Variants in FAM117B observed in about 807,000 individuals in gnomAD.
FAM117B encodes protein FAM117B.
Under a neutral mutation model 52.8 loss-of-function variants are expected in FAM117B, and 22 were observed. That is an observed-to-expected ratio of 0.42 (90% CI 0.30 to 0.59). The LOEUF is 0.59. Ranked by LOEUF, FAM117B falls within the 20% of genes least tolerant of loss-of-function variation. The probability of loss-of-function intolerance (pLI) is 0.22; values close to 1 mark genes in which losing one functional copy is unlikely to be tolerated. For synonymous variants in FAM117B, 309 were observed against 324.1 expected, an observed-to-expected ratio of 0.95 and a Z score of 0.50; for missense variants, 678 against 802.6, an observed-to-expected ratio of 0.84 and a Z score of 1.88.
At position 202,757,318 on chromosome 2, in the gene FAM117B, A is replaced by G; in HGVS notation, c.1210A>G (p.Ser404Gly). Residue 404 changes from serine (S) to glycine (G), a missense_variant, in exon 6 of 8, where the codon AGC (serine) becomes GGC (glycine). Transcript: ENST00000392238. ...TQTPGGADRG[S>G]NNSSRSQSVS... ...GACGCCTGGTGGGGCAGACAGGGGA[A>G]GCAACAACAGCAGCCGTTCCCAGTC... The G allele has an allele frequency of 1.2e-6, 2 of 1,614,170 alleles. No homozygotes were observed. Among genetic ancestry groups the G allele is most frequent in the Non-Finnish European group, 1.7e-6 (2 of 1,180,036 alleles).
At chr2:202,684,351 T>C (rs1227833447) in intron 1 of FAM117B, among the ~76,000 whole-genome samples, 1 of 152,222 alleles carries the variant, frequency 6.6e-6, no homozygotes, top group Non-Finnish European at 1.5e-5. Context: ...TAGCTAAAAG[T>C]TATTTGTAAC....
intron 7 of FAM117B, 105 bp downstream of exon 7, chr2:202,759,458 C>G: frequency 7.2e-7 from 1 of 1,395,206 alleles, no homozygotes; most frequent in Non-Finnish European, 9.6e-7. Context: ...GATGCAGTCA[C>G]AGGTCACACT....
chr2:202,726,582 C>G (rs1691248721), intron 4 of FAM117B, among the ~76,000 whole-genome samples: 1 of 152,068 alleles, frequency 6.6e-6, no homozygotes, highest in Non-Finnish European at 1.5e-5. Context: ...GGAGACATAG[C>G]TACTTATCTA....
At chr2:202,746,963 CAAA>C (rs993415927) in intron 4 of FAM117B, among the ~76,000 whole-genome samples, 1 of 40,766 alleles carries the variant, frequency 2.5e-5, no homozygotes, top group Non-Finnish European at 7.7e-5. Context: ...AAAAACAAAA[CAAA>C]AAAAAACACA....
chr2:202,647,902 A>G (rs1401832828), intron 1 of FAM117B, among the ~76,000 whole-genome samples: 4 of 152,192 alleles, frequency 2.6e-5, no homozygotes, highest in African/African-American at 9.6e-5. Context: ...AGTTTAACCC[A>G]AAAGAAATTT....
chr2:202,687,315 C>T (rs939905505), intron 1 of FAM117B, among the ~76,000 whole-genome samples: 4 of 152,044 alleles, frequency 2.6e-5, no homozygotes, highest in Non-Finnish European at 2.9e-5. Flanking sequence ...TTCAAAGGAG[C>T]GTGAAAAATT....
Position 202,768,204 on chromosome 2 carries a change from A to C in FAM117B, c.*2440A>C, listed in dbSNP as rs1450940116. On this transcript the variant is annotated 3_prime_UTR_variant, in exon 8 of 8. Transcript: ENST00000392238. ...CTAGTCACAATGGCATTTTAGAACT[A>C]GAATGCCACTCTGTAGAGGTTTTCC... The C allele has an allele frequency of 6.6e-6, 1 of 152,216 alleles. No individual in the cohort carries two copies. The highest frequency in any genetic ancestry group is 1.5e-5 in the Non-Finnish European group (1 of 68,036). The allele number at this position is 152,216 out of a possible 1,614,324, so 9.4% of individuals were successfully genotyped here.
chr2:202,746,085 G>A (rs1307289212), intron 4 of FAM117B, among the ~76,000 whole-genome samples: 1 of 152,142 alleles, frequency 6.6e-6, no homozygotes, highest in Non-Finnish European at 1.5e-5. Context: ...AATCTGCACT[G>A]TAGGTCAAAT....
chr2:202,696,563 A>G (rs1358421186), intron 2 of FAM117B, among the ~76,000 whole-genome samples: 2 of 152,228 alleles, frequency 1.3e-5, no homozygotes, highest in Admixed American at 6.5e-5. Context: ...TATTTAATAT[A>G]TGGAATTTGG....
chr2:202,744,241 A>G (rs1184388727), intron 4 of FAM117B, among the ~76,000 whole-genome samples: 1 of 152,208 alleles, frequency 6.6e-6, no homozygotes, highest in Non-Finnish European at 1.5e-5. Context: ...GTGGTTCTGT[A>G]GACTGTCCAG....
At position 202,653,577 on chromosome 2, in the gene FAM117B, C is replaced by G. The variant is rs1689987748; in HGVS notation, c.601+17789C>G. Among the ~76,000 whole-genome samples, 3 of 152,118 alleles carry G rather than the reference C, an allele frequency of 2.0e-5. No homozygotes were observed. The South Asian group carries it at 6.2e-4, about 32-fold the overall frequency. The stretch of plus-strand genomic sequence containing the variant: ...CACTGGATTTTGTCTGTCTTGAAAA[C>G]TATTTTCTTGTCTATCACTGGATTT... On this transcript the variant is annotated intron_variant, in intron 1 of 7. Transcript: ENST00000392238.
At chr2:202,724,887 A>T (rs1321837955) in intron 2 of FAM117B, 30 bp from the exon 3 acceptor site, 2 of 1,526,616 alleles carry the variant, frequency 1.3e-6, no homozygotes, top group Non-Finnish European at 1.8e-6. Context: ...GATTTTTGTT[A>T]AATACACCTC....
At chr2:202,647,347 G>C (rs1689887633) in intron 1 of FAM117B, among the ~76,000 whole-genome samples, 1 of 151,988 alleles carries the variant, frequency 6.6e-6, no homozygotes, top group Admixed American at 6.6e-5. Flanking sequence ...GCGATTTCTT[G>C]GTCTCTATTC....
Position 202,759,362 on chromosome 2 carries a change from C to T in FAM117B, c.1451+9C>T. 6.3e-7 allele frequency: 1 copy of T among 1,598,076 alleles called. No homozygotes were observed. Among genetic ancestry groups the T allele is most frequent in the Non-Finnish European group, 8.5e-7 (1 of 1,175,520 alleles). On this transcript the variant is annotated intron_variant, in intron 7 of 7. Transcript: ENST00000392238. ...GTCTTTGAGGAATGCTCGTAAGTAT[C>T]CCTTCCACCATCCCCACAAAAAAAC...
intron 1 of FAM117B, among the ~76,000 whole-genome samples, chr2:202,666,846 C>T (rs559292708): frequency 4.0e-5 from 6 of 151,458 alleles, no homozygotes; most frequent in South Asian, 2.1e-4. Context: ...AGGGTTTCAC[C>T]GTGTTAGCCA....
chr2:202,725,977 C>T (rs774592757), intron 3 of FAM117B, among the ~76,000 whole-genome samples: 15 of 151,950 alleles, frequency 9.9e-5, no homozygotes, highest in South Asian at 2.1e-4. Context: ...TTTAATTCTT[C>T]GTGAAAACTG....
rs1224015574 is a variant in FAM117B, at chr2:202,768,205, G to C, written c.*2441G>C. Reference sequence around the variant, plus strand: ...TAGTCACAATGGCATTTTAGAACTAGAATGCCACTCTGTAGAGGTTTTCCC... The same window carrying C: ...TAGTCACAATGGCATTTTAGAACTACAATGCCACTCTGTAGAGGTTTTCCC... On this transcript the variant is annotated 3_prime_UTR_variant, in exon 8 of 8. Coordinates refer to ENST00000392238, the MANE Select transcript of FAM117B (RefSeq NM_173511.4). The C allele has an allele frequency of 6.6e-6, 1 of 152,162 alleles. No individual in the cohort carries two copies. Among genetic ancestry groups the C allele is most frequent in the Non-Finnish European group, 1.5e-5 (1 of 68,028 alleles). 9.4% of individuals were successfully genotyped at this position (152,162 alleles called of 1,614,324 possible).
At chr2:202,731,520 T>C (rs1363617072) in intron 4 of FAM117B, among the ~76,000 whole-genome samples, 1 of 151,522 alleles carries the variant, frequency 6.6e-6, no homozygotes, top group Non-Finnish European at 1.5e-5. Context: ...AACCTCCGCC[T>C]CCCGGGTTCA....
At position 202,740,173 on chromosome 2, in the gene FAM117B, C is replaced by CA. The variant is rs1358404767; in HGVS notation, c.960+13810_960+13811insA. Among the ~76,000 whole-genome samples, 186 of 69,686 alleles carry CA rather than the reference C, an allele frequency of 2.7e-3. 43 individuals carry two copies. The highest frequency in any genetic ancestry group is 0.014 in the East Asian group (35 of 2,420). The allele number at this position is 69,686 out of a possible 152,430, so 45.7% of individuals were successfully genotyped here. A position where few individuals can be genotyped will look rare whatever the true frequency, so the allele number is the denominator to read the frequency against. ...GGAGGACAGAGCGAGACTTCATCCCCCAAAAAAAAAAAAAAAAAAAAAAAA... is the reference window on the plus strand; with the variant it reads ...GGAGGACAGAGCGAGACTTCATCCCCACAAAAAAAAAAAAAAAAAAAAAAAA... On this transcript the variant is annotated intron_variant, in intron 4 of 7. Coordinates refer to ENST00000392238, the MANE Select transcript of FAM117B (RefSeq NM_173511.4).
Sources: gnomAD v4.1 joint callset for allele counts (sites outside exome capture counted in the v4.1 genomes callset) on GRCh38, gnomAD v4.1.1 for gene constraint, MANE v1.5 for transcripts, NCBI Gene and HGNC (gene_info 2026-07-23, HGNC 2026-07-21) for gene names.